TMPRSS9: variants seen among roughly 807,000 people sequenced by gnomAD.
TMPRSS9 encodes the protein transmembrane protease serine 9.
TMPRSS9 carries 113 observed loss-of-function variants against 111.4 expected under a neutral mutation model. The ratio of observed to expected loss-of-function variants is 1.01; its 90% CI spans 0.87 to 1.19. The LOEUF (loss-of-function observed/expected upper bound fraction) is 1.19. TMPRSS9 is among the 50% of genes most tolerant of loss of function. The pLI is 0.00. For missense variants in TMPRSS9, 1,803 were observed against 1,513.1 expected, an observed-to-expected ratio of 1.19 and a Z score of -3.18; for synonymous variants, 805 against 659.1, an observed-to-expected ratio of 1.22 and a Z score of -3.39.
At chr19:2,385,883 A>G (rs1399427011), upstream of TMPRSS9, among the ~76,000 whole-genome samples, 2 of 152,012 alleles carry the variant, frequency 1.3e-5, no homozygotes, top group Non-Finnish European at 2.9e-5. Flanking sequence ...TATCTATTCC[A>G]GGGGTCAGGA....
upstream of TMPRSS9, among the ~76,000 whole-genome samples, chr19:2,386,258 C>T (rs549615453): frequency 1.3e-4 from 20 of 152,260 alleles, no homozygotes; most frequent in African/African-American, 4.8e-4. Context: ...GTAATCCCAG[C>T]ATTTTGGGAG....
intron 1 of TMPRSS9, among the ~76,000 whole-genome samples, chr19:2,382,641 CCA>C (rs1233810511): frequency 6.7e-6 from 1 of 150,324 alleles, no homozygotes; most frequent in Non-Finnish European, 1.5e-5. Flanking sequence ...TACACACAGA[CCA>C]CACATGCACA....
intron 4 of TMPRSS9, among the ~76,000 whole-genome samples, chr19:2,401,478 G>C (rs1970846211): frequency 6.6e-6 from 1 of 152,184 alleles, no homozygotes; most frequent in Non-Finnish European, 1.5e-5. Context: ...GGGCAAGTGA[G>C]ACTGAGGATC....
intron 1 of TMPRSS9, among the ~76,000 whole-genome samples, chr19:2,382,609 C>CACAA (rs1309778762): frequency 1.3e-5 from 2 of 151,184 alleles, no homozygotes; most frequent in Admixed American, 1.3e-4. Context: ...CACACAGACA[C>CACAA]ATGCACACAC....
chr19:2,394,055 T>G (rs191353597), intron 1 of TMPRSS9, among the ~76,000 whole-genome samples: 1 of 151,868 alleles, frequency 6.6e-6, no homozygotes, highest in Non-Finnish European at 1.5e-5. Flanking sequence ...CAAAAAACAT[T>G]AGTTGGTCAT....
intron 1 of TMPRSS9, among the ~76,000 whole-genome samples, chr19:2,393,344 C>T (rs988949045): frequency 2.6e-5 from 4 of 152,098 alleles, no homozygotes; most frequent in South Asian, 2.1e-4. Context: ...ACTCCAGACA[C>T]GCTGCCTTAA....
exon 16 of TMPRSS9, chr19:2,425,095 G>C (rs758450955): frequency 1.9e-6 from 3 of 1,582,914 alleles, no homozygotes; most frequent in Non-Finnish European, 2.6e-6. Context: ...GCATCTACAA[G>C]CACCCGTTCT....
At chr19:2,396,550 A>G (rs1275147789) in exon 2 of TMPRSS9, 2 of 1,608,358 alleles carry the variant, frequency 1.2e-6, no homozygotes, top group Non-Finnish European at 8.5e-7. Flanking sequence ...CTTCCTCTCT[A>G]CACAGGGCTT....
chr19:2,423,520 G>GC (rs1363638232), intron 14 of TMPRSS9, among the ~76,000 whole-genome samples: 1 of 151,420 alleles, frequency 6.6e-6, no homozygotes, highest in Non-Finnish European at 1.5e-5. Context: ...GAGGGCGGCG[G>GC]GGGGGCTTGC....
chr19:2,403,789 C>T (rs999596828), intron 6 of TMPRSS9, among the ~76,000 whole-genome samples: 2 of 151,624 alleles, frequency 1.3e-5, no homozygotes, highest in Non-Finnish European at 2.9e-5. Context: ...GTCAGGAGAT[C>T]GAGACCATCG....
intron 2 of TMPRSS9, among the ~76,000 whole-genome samples, chr19:2,397,138 C>T (rs796114437): frequency 1.3e-5 from 2 of 152,062 alleles, no homozygotes; most frequent in East Asian, 1.9e-4. Flanking sequence ...ACAGGATGGT[C>T]TTGAACTCCT....
At chr19:2,411,369 G>T (rs531999289) in intron 9 of TMPRSS9, among the ~76,000 whole-genome samples, 1 of 138,086 alleles carries the variant, frequency 7.2e-6, no homozygotes, top group Non-Finnish European at 1.5e-5. Context: ...TGCTTCTGCT[G>T]TATACCTGGA....
At chr19:2,424,661 G>A (rs374728739) in intron 15 of TMPRSS9, among the ~76,000 whole-genome samples, 5 of 152,056 alleles carry the variant, frequency 3.3e-5, no homozygotes, top group African/African-American at 1.2e-4. Flanking sequence ...CCTCCCCAGG[G>A]CCCAAGCCCT....
At chr19:2,393,070 C>T (rs910766300) in intron 1 of TMPRSS9, among the ~76,000 whole-genome samples, 6 of 152,114 alleles carry the variant, frequency 3.9e-5, no homozygotes, top group Middle Eastern at 3.2e-3. Flanking sequence ...GACCAATCAG[C>T]GCTCTGTAAA....
chr19:2,366,088 A>C (rs1970246416), intron 1 of TMPRSS9, among the ~76,000 whole-genome samples: 1 of 151,926 alleles, frequency 6.6e-6, no homozygotes, highest in African/African-American at 2.4e-5. Flanking sequence ...AAAAAAGGGA[A>C]CCCCCTGAAT....
rs138847400 is a variant in TMPRSS9, at chr19:2,410,347, A to G, written c.1207A>G (p.Arg403Gly). 9.8e-4 allele frequency: 1,587 copies of G among 1,614,102 alleles called. 4 individuals carry two copies. Among genetic ancestry groups the G allele is most frequent in the Non-Finnish European group, 1.3e-3 (1,477 of 1,179,998 alleles). ...CTTGTACGGCCATTCACTCACTGACAGGATGGTGTGCGCTGGCTACCTGGA... is the reference window on the plus strand; with the variant it reads ...CTTGTACGGCCATTCACTCACTGACGGGATGGTGTGCGCTGGCTACCTGGA... The change falls in exon 9 of 18, where the codon AGG becomes GGG. Residue 403 changes from arginine to glycine, a missense_variant. By Grantham distance (125) the Arg-to-Gly change is moderately radical. Transcript: ENST00000648592.
chr19:2,387,655 G>A (rs1024566576), upstream of TMPRSS9, among the ~76,000 whole-genome samples: 3 of 152,138 alleles, frequency 2.0e-5, no homozygotes, highest in Non-Finnish European at 4.4e-5. Context: ...TGAGGTGGGA[G>A]GATCACTTAA....
At chr19:2,363,789 A>T (rs7256144) in intron 1 of TMPRSS9, among the ~76,000 whole-genome samples, 33,973 of 90,230 alleles carry the variant, frequency 0.38, 4,543 homozygotes, top group African/African-American at 0.53. Context: ...TCTGTGTGTG[A>T]GTGTGTGTGT....
chr19:2,368,791 TTTTTTTTTTTA>T (rs1239147290), intron 1 of TMPRSS9, among the ~76,000 whole-genome samples: 6 of 119,372 alleles, frequency 5.0e-5, no homozygotes, highest in African/African-American at 7.6e-5. Context: ...TTTTTTTTTT[TTTTTTTTTTTA>T]AAGACAGAGT....
Sources: allele counts gnomAD v4.1 joint callset (sites outside exome capture counted in the v4.1 genomes callset), GRCh38; gene constraint gnomAD v4.1.1; transcripts MANE v1.5; gene names NCBI Gene and HGNC (gene_info 2026-07-23, HGNC 2026-07-21).